PID1: variants seen among roughly 807,000 people sequenced by gnomAD.
The protein encoded by PID1 is PTB-containing, cubilin and LRP1-interacting protein.
In PID1, 10 loss-of-function variants were observed where a neutral mutation model predicts 19.1. The observed-to-expected ratio is 0.52, with a 90% CI of 0.32 to 0.89. The LOEUF (loss-of-function observed/expected upper bound fraction) is 0.89. Among genes scored for constraint, PID1 ranks in the 40% least tolerant of loss-of-function variants. The pLI, the probability that PID1 is intolerant of heterozygous loss-of-function variation, is 0.03. For synonymous variants in PID1, 130 were observed against 116.0 expected, an observed-to-expected ratio of 1.12 and a Z score of -0.78; for missense variants, 248 against 285.3, an observed-to-expected ratio of 0.87 and a Z score of 0.94.
At chr2:229,179,796 C>A in intron 1 of PID1, among the ~76,000 whole-genome samples, 1 of 152,182 alleles carries the variant, frequency 6.6e-6, no homozygotes, top group Non-Finnish European at 1.5e-5. Flanking sequence ...AAGGCAGCTG[C>A]GTGTAGGTCA....
chr2:229,145,189 A>ATATATATATATATAT (rs1690104562), intron 2 of PID1, among the ~76,000 whole-genome samples: 3 of 144,584 alleles, frequency 2.1e-5, no homozygotes, highest in African/African-American at 7.6e-5. Flanking sequence ...ATATATATAT[A>ATATATATATATATAT]AACTCGAGAC....
At chr2:229,157,378 C>T (rs10205915) in intron 1 of PID1, among the ~76,000 whole-genome samples, 43,488 of 149,488 alleles carry the variant, frequency 0.29, 6,754 homozygotes, top group Non-Finnish European at 0.36. Flanking sequence ...TGCAGTGAGC[C>T]GAGACCACAC....
At chr2:229,251,944 T>TAAAAAAAAAAAAAAAAAAAAAAAAC (rs11284650) in intron 1 of PID1, among the ~76,000 whole-genome samples, 6 of 71,472 alleles carry the variant, frequency 8.4e-5, no homozygotes, top group Non-Finnish European at 1.4e-4. Context: ...AACCATAAGC[T>TAAAAAAAAAAAAAAAAAAAAAAAAC]AAAAAAAAAA....
intron 1 of PID1, among the ~76,000 whole-genome samples, chr2:229,218,510 G>A (rs1207512291): frequency 6.6e-6 from 1 of 152,110 alleles, no homozygotes; most frequent in East Asian, 1.9e-4. Context: ...ACAGCACAAG[G>A]CAGGATAGAG....
At position 229,183,867 on chromosome 2, in the gene PID1, T is replaced by G. The variant is rs776425125; in HGVS notation, c.31-27903A>C. Among the ~76,000 whole-genome samples the G allele has an allele frequency of 2.6e-5, 2 of 77,754 alleles. 1 individual carries two copies. The highest frequency in any genetic ancestry group is 1.0e-4 in the African/African-American group (2 of 19,106). The allele number at this position is 77,754 out of a possible 152,430, so 51.0% of individuals were successfully genotyped here. A position where few individuals can be genotyped will look rare whatever the true frequency, so the allele number is the denominator to read the frequency against. ...TCTCTCTCCTTCTCTCTCTCCTCAC[T>G]CTCTCTCTTTCTATATATATATATA... On this transcript the variant is annotated intron_variant, in intron 1 of 2. Transcript: ENST00000392055.
chr2:229,106,043 C>T (rs6739683), intron 2 of PID1, among the ~76,000 whole-genome samples: 9,123 of 130,296 alleles, frequency 0.07, 313 homozygotes, highest in African/African-American at 0.085. Context: ...TGCGCCACTG[C>T]ATTCCAAGCC....
chr2:229,255,910 A>C (rs1029232683), intron 1 of PID1, among the ~76,000 whole-genome samples: 8 of 152,256 alleles, frequency 5.3e-5, no homozygotes, highest in Admixed American at 3.9e-4. Flanking sequence ...AATAGAGGGG[A>C]CAGAAGTTGG....
At position 229,023,997 on chromosome 2, in the gene PID1, T is replaced by TGCAAACA. The variant is rs1374277563; in HGVS notation, c.*1628_*1634dup. ...GTATGAAACTCCTCAGCTTTATTAA[T>TGCAAACA]GCAAACATATTTTTATTAAAGAATG... is the stretch of plus-strand genomic sequence containing the variant. On this transcript the variant is annotated 3_prime_UTR_variant, in exon 3 of 3. Transcript: ENST00000392055. 6 of 152,674 alleles carry TGCAAACA rather than the reference T, an allele frequency of 3.9e-5. No homozygotes were observed. Among genetic ancestry groups the TGCAAACA allele is most frequent in the African/African-American group, 1.4e-4 (6 of 41,470 alleles). 9.5% of individuals were successfully genotyped at this position (152,674 alleles called of 1,614,324 possible).
rs566229915 is a variant in PID1, at chr2:229,046,673, C to T, written c.178-20565G>A. 1.2e-4 allele frequency among the ~76,000 whole-genome samples: 19 copies of T among 152,126 alleles called. No homozygotes were observed. The East Asian group carries it at 3.3e-3, about 26-fold the overall frequency. The stretch of plus-strand genomic sequence containing the variant: ...CCCACAATCAGCTTCCAAAAGCAGA[C>T]AGGTGAGGTTTTTATTCTTCAGACT... On this transcript the variant is annotated intron_variant, in intron 2 of 2. Transcript: ENST00000392055.
chr2:229,035,967 A>C (rs1162541002), intron 2 of PID1, among the ~76,000 whole-genome samples: 1 of 152,250 alleles, frequency 6.6e-6, no homozygotes, highest in Non-Finnish European at 1.5e-5. Context: ...GACAGTGTGC[A>C]TAGTTAATAT....
At chr2:229,236,987 T>TACACACAC (rs201772514) in intron 1 of PID1, among the ~76,000 whole-genome samples, 35 of 107,894 alleles carry the variant, frequency 3.2e-4, no homozygotes, top group East Asian at 1.6e-3. Context: ...TACACACACA[T>TACACACAC]ACACACACAC....
At chr2:229,108,746 A>G (rs1695228123) in intron 2 of PID1, among the ~76,000 whole-genome samples, 1 of 152,184 alleles carries the variant, frequency 6.6e-6, no homozygotes, top group Non-Finnish European at 1.5e-5. Context: ...AGGCCAGCCT[A>G]TGGGGAGATC....
chr2:229,260,817 ATTTTTTTTT>A (rs66533277), intron 1 of PID1, among the ~76,000 whole-genome samples: 1 of 114,654 alleles, frequency 8.7e-6, no homozygotes, highest in African/African-American at 3.4e-5. Context: ...TCTGATTGCC[ATTTTTTTTT>A]TTTTTTTTTT....
chr2:229,270,996 C>CA lies in PID1; in HGVS notation c.30+17_30+18insT. ...CCTCCTCCTCCAGGCTGGCCCCCGG[C>CA]TCCCGGGTGCCCCTTACCTGCAGGC... On this transcript the variant is annotated intron_variant, in intron 1 of 2. Coordinates refer to ENST00000392055, the MANE Select transcript of PID1 (RefSeq NM_001100818.2). The CA allele has an allele frequency of 1.4e-6, 2 of 1,385,916 alleles. No individual in the cohort carries two copies. Among genetic ancestry groups the CA allele is most frequent in the East Asian group, 2.9e-5 (1 of 34,204 alleles). The allele number at this position is 1,385,916 out of a possible 1,614,324, so 85.9% of individuals were successfully genotyped here.
chr2:229,239,884 A>G (rs1689827189), intron 1 of PID1, among the ~76,000 whole-genome samples: 2 of 152,170 alleles, frequency 1.3e-5, no homozygotes, highest in African/African-American at 4.8e-5. Context: ...GGCGTAAAAG[A>G]TAATGATTTT....
chr2:229,231,119 T>G (rs574087042), intron 1 of PID1, among the ~76,000 whole-genome samples: 102 of 152,170 alleles, frequency 6.7e-4, no homozygotes, highest in African/African-American at 2.4e-3. Flanking sequence ...CCAGGAACAG[T>G]GGCCAACACA....
At chr2:229,265,297 A>G (rs1181807292) in intron 1 of PID1, among the ~76,000 whole-genome samples, 2 of 152,264 alleles carry the variant, frequency 1.3e-5, no homozygotes, top group Admixed American at 6.5e-5. Flanking sequence ...CCTCAGCCAG[A>G]TTATTGATCC....
intron 2 of PID1, among the ~76,000 whole-genome samples, chr2:229,077,748 C>T (rs1009460366): frequency 2.0e-5 from 3 of 152,018 alleles, no homozygotes; most frequent in African/African-American, 7.3e-5. Context: ...GTCTATATAC[C>T]CGTTTTGGTA....
rs1293626727 is a variant in PID1 at position 229,139,146 on chromosome 2, A to AAAGAAAGAAAGAAAGAAAGAAAGAAAGC, written c.177+16671_177+16672insGCTTTCTTTCTTTCTTTCTTTCTTTCTT. On this transcript the variant is annotated intron_variant, in intron 2 of 2. Coordinates refer to ENST00000392055, the MANE Select transcript of PID1 (RefSeq NM_001100818.2). Reference sequence around the variant, plus strand: ...GAAAGAAAGAAAGAAAGAAAGAAAGAAAGCAAGCGAGCGAGCAAGCGAGCT... The same window carrying AAAGAAAGAAAGAAAGAAAGAAAGAAAGC: ...GAAAGAAAGAAAGAAAGAAAGAAAGAAAGAAAGAAAGAAAGAAAGAAAGAAAGCAAGCAAGCGAGCGAGCAAGCGAGCT... Among the ~76,000 whole-genome samples the AAAGAAAGAAAGAAAGAAAGAAAGAAAGC allele has an allele frequency of 2.7e-4, 29 of 109,028 alleles. 3 individuals are homozygous for AAAGAAAGAAAGAAAGAAAGAAAGAAAGC. The highest frequency in any genetic ancestry group is 1.6e-3 in the East Asian group (4 of 2,454). The allele number at this position is 109,028 out of a possible 152,430, so 71.5% of individuals were successfully genotyped here. A position where few individuals can be genotyped will look rare whatever the true frequency, so the allele number is the denominator to read the frequency against.
Sources: gnomAD v4.1 joint callset for allele counts (sites outside exome capture counted in the v4.1 genomes callset) on GRCh38, gnomAD v4.1.1 for gene constraint, MANE v1.5 for transcripts, NCBI Gene and HGNC (gene_info 2026-07-23, HGNC 2026-07-21) for gene names.